The following PREPL variants were observed in gnomAD, a reference collection of about 807,000 sequenced individuals.
PREPL encodes the protein prolyl endopeptidase-like.
In PREPL, 77 loss-of-function variants were observed where a neutral mutation model predicts 70.6. That is an observed-to-expected ratio of 1.09 (90% confidence interval 0.91 to 1.32). PREPL has a LOEUF of 1.32. Among genes scored for constraint, PREPL ranks in the 40% most tolerant of loss-of-function variants. The pLI is 0.00. For missense variants in PREPL, 1,002 were observed against 778.2 expected (o/e 1.29, Z -3.42); for synonymous variants, 315 against 264.8 (o/e 1.19, Z -1.84).
intron 1 of PREPL, among the ~76,000 whole-genome samples, chr2:44,353,245 G>C (rs930527609): frequency 2.0e-5 from 3 of 151,952 alleles, no homozygotes; most frequent in African/African-American, 7.3e-5. Context: ...TGTGGCTTTA[G>C]TTTCTTCATT....
At chr2:44,339,504 T>C in intron 5 of PREPL, 141 bp from the exon 6 acceptor site, 2 of 1,287,146 alleles carry the variant, frequency 1.6e-6, no homozygotes, top group Non-Finnish European at 2.1e-6. Flanking sequence ...TTAGTGAATA[T>C]CACTTGTAAC....
intron 1 of PREPL, among the ~76,000 whole-genome samples, chr2:44,353,887 A>G (rs534385482): frequency 6.6e-6 from 1 of 152,172 alleles, no homozygotes; most frequent in Non-Finnish European, 1.5e-5. Context: ...AGGGCTGGGC[A>G]TGGTGGGTCA....
At chr2:44,326,195 C>G (rs750009943) in intron 10 of PREPL, among the ~76,000 whole-genome samples, 1 of 152,048 alleles carries the variant, frequency 6.6e-6, no homozygotes, top group Non-Finnish European at 1.5e-5. Flanking sequence ...TGGAAATAGC[C>G]ATTAATATCT....
intron 1 of PREPL, among the ~76,000 whole-genome samples, chr2:44,354,524 C>G (rs926054645): frequency 6.6e-6 from 1 of 152,084 alleles, no homozygotes; most frequent in African/African-American, 2.4e-5. Flanking sequence ...ATATATCCAA[C>G]TGCTACTGAA....
chr2:44,323,500 T>A, intron 10 of PREPL, 89 bp from the exon 11 acceptor site: 1 of 1,042,658 alleles, frequency 9.6e-7, no homozygotes. Context: ...ATATACATAC[T>A]AATATGAGAG....
intron 1 of PREPL, among the ~76,000 whole-genome samples, chr2:44,350,044 G>A (rs919419857): frequency 2.0e-5 from 3 of 151,688 alleles, no homozygotes; most frequent in Non-Finnish European, 2.9e-5. Flanking sequence ...CTTTTCATAC[G>A]TCAACTATTT....
rs1189436527 is a variant in PREPL at position 44,319,047 on chromosome 2, A to G, written c.*2309T>C. On this transcript the variant is annotated 3_prime_UTR_variant, in exon 14 of 14. Coordinates refer to ENST00000409411, the MANE Select transcript of PREPL (RefSeq NM_001171613.2). ...GAGTGGCACTGAAACATGTGCTTTC[A>G]TGCATTACCTAAGGCTAGAGAAAAT... 6.6e-6 allele frequency: 1 copy of G among 152,386 alleles called. No individual in the cohort carries two copies. The highest frequency in any genetic ancestry group is 1.5e-5 in the Non-Finnish European group (1 of 68,046). 9.4% of individuals were successfully genotyped at this position (152,386 alleles called of 1,614,324 possible). A position where few individuals can be genotyped will look rare whatever the true frequency, so the allele number is the denominator to read the frequency against.
chr2:44,327,730 G>A (rs1673658494), intron 9 of PREPL, among the ~76,000 whole-genome samples: 1 of 151,624 alleles, frequency 6.6e-6, no homozygotes, highest in Non-Finnish European at 1.5e-5. Flanking sequence ...AGGTGTGGTG[G>A]TGCGTGCCTA....
chr2:44,327,529 T>G (rs1186119213), intron 9 of PREPL, among the ~76,000 whole-genome samples: 1 of 152,024 alleles, frequency 6.6e-6, no homozygotes, highest in Non-Finnish European at 1.5e-5. Context: ...ACAGCATGTA[T>G]AAGGGCAAGG....
At position 44,320,202 on chromosome 2, in the gene PREPL, C is replaced by CA; in HGVS notation, c.*1153dup. 1 of 1,612,384 alleles carries CA rather than the reference C, an allele frequency of 6.2e-7. No homozygotes were observed. The highest frequency in any genetic ancestry group is 8.5e-7 in the Non-Finnish European group (1 of 1,178,826). ...AAATACTTTTTTAAAAAAATAGGTC[C>CA]AAAAGACTCAGCCCAGATCGGCTTT... On this transcript the variant is annotated 3_prime_UTR_variant, in exon 14 of 14. Coordinates refer to ENST00000409411, the MANE Select transcript of PREPL (RefSeq NM_001171613.2).
chr2:44,320,153 A>G lies in PREPL; in HGVS notation c.*1203T>C, dbSNP rs1224258991. ...AATATATTAAAAATACTTACAAACAATTCTTAGAATCAAACACTTACGTAA... is the reference window on the plus strand; with the variant it reads ...AATATATTAAAAATACTTACAAACAGTTCTTAGAATCAAACACTTACGTAA... On this transcript the variant is annotated 3_prime_UTR_variant, in exon 14 of 14. Coordinates refer to ENST00000409411, the MANE Select transcript of PREPL (RefSeq NM_001171613.2). 10 of 1,485,358 alleles carry G rather than the reference A, an allele frequency of 6.7e-6. No homozygotes were observed. Among genetic ancestry groups the G allele is most frequent in the African/African-American group, 1.4e-5 (1 of 71,790 alleles). 92.0% of individuals were successfully genotyped at this position (1,485,358 alleles called of 1,614,324 possible). A position where few individuals can be genotyped will look rare whatever the true frequency, so the allele number is the denominator to read the frequency against.
Position 44,320,452 on chromosome 2 carries a change from C to T in PREPL, c.*904G>A, listed in dbSNP as rs745773702. 1.2e-5 allele frequency: 20 copies of T among 1,614,008 alleles called. No individual in the cohort carries two copies. Among genetic ancestry groups the T allele is most frequent in the Admixed American group, 1.7e-5 (1 of 59,984 alleles). ...GCTAAAATGAGAATAAGGTTAAGTACCAATTCTGCCGACAAAGGCAGTAAA... is the reference window on the plus strand; with the variant it reads ...GCTAAAATGAGAATAAGGTTAAGTATCAATTCTGCCGACAAAGGCAGTAAA... On this transcript the variant is annotated 3_prime_UTR_variant, in exon 14 of 14. Coordinates refer to ENST00000409411, the MANE Select transcript of PREPL (RefSeq NM_001171613.2).
chr2:44,332,716 A>C, intron 7 of PREPL, 60 bp from the exon 8 acceptor site: 1 of 1,342,558 alleles, frequency 7.4e-7, no homozygotes, highest in Non-Finnish European at 1.0e-6. Context: ...TCATTAATTA[A>C]ATTTCTAAGT....
chr2:44,341,856 C>A (rs11898804), intron 5 of PREPL, among the ~76,000 whole-genome samples: 1 of 151,642 alleles, frequency 6.6e-6, no homozygotes, highest in South Asian at 2.1e-4. Context: ...ATTTTTTCAC[C>A]TAGCACAATA....
chr2:44,356,785 AC>A (rs1677091700), intron 1 of PREPL, among the ~76,000 whole-genome samples: 2 of 148,930 alleles, frequency 1.3e-5, no homozygotes, highest in Non-Finnish European at 3.0e-5. Flanking sequence ...AAGACTTTCT[AC>A]AGAATGACAA....
intron 1 of PREPL, among the ~76,000 whole-genome samples, chr2:44,354,599 G>A (rs944717303): frequency 1.3e-5 from 2 of 150,610 alleles, no homozygotes; most frequent in South Asian, 2.1e-4. Context: ...TTGAGATGGA[G>A]CCTCGCTCCC....
rs1672635066 is a variant in PREPL at position 44,318,591 on chromosome 2, TAA to T, written c.*2763_*2764del. On this transcript the variant is annotated 3_prime_UTR_variant, in exon 14 of 14. Coordinates refer to ENST00000409411, the MANE Select transcript of PREPL (RefSeq NM_001171613.2). ...CACCAACTGTGTAAAGAAAAATATA[TAA>T]ACATATGAAATGATACATTCTGTGC... The T allele has an allele frequency of 6.6e-6, 1 of 152,654 alleles. No individual in the cohort carries two copies. The highest frequency in any genetic ancestry group is 2.4e-5 in the African/African-American group (1 of 41,378). 9.5% of individuals were successfully genotyped at this position (152,654 alleles called of 1,614,324 possible). A position where few individuals can be genotyped will look rare whatever the true frequency, so the allele number is the denominator to read the frequency against.
At chr2:44,330,315 G>A (rs1673965274) in intron 8 of PREPL, among the ~76,000 whole-genome samples, 1 of 152,298 alleles carries the variant, frequency 6.6e-6, no homozygotes, top group South Asian at 2.1e-4. Context: ...CCTGTGGAAA[G>A]GTATAGCGCT....
intron 1 of PREPL, among the ~76,000 whole-genome samples, chr2:44,351,225 G>A (rs989658182): frequency 6.6e-6 from 1 of 151,566 alleles, no homozygotes; most frequent in Admixed American, 6.6e-5. Context: ...GTGAGCCACT[G>A]GGCCTGGCAT....
Sources: allele counts gnomAD v4.1 joint callset (sites outside exome capture counted in the v4.1 genomes callset), GRCh38; gene constraint gnomAD v4.1.1; transcripts MANE v1.5; gene names NCBI Gene and HGNC (gene_info 2026-07-23, HGNC 2026-07-21).